The following TENM2 variants were observed in gnomAD, a reference collection of about 807,000 sequenced individuals.
TENM2 encodes the protein teneurin transmembrane protein 2.
A neutral mutation model predicts 245.2 loss-of-function variants in TENM2; 52 were observed. The observed-to-expected ratio is 0.21, with a 90% CI of 0.17 to 0.27. The LOEUF is 0.27. Ranked by LOEUF, TENM2 falls within the 10% of genes least tolerant of loss-of-function variation. The probability of loss-of-function intolerance (pLI) is 1.00; values close to 1 mark genes in which losing one functional copy is unlikely to be tolerated. For synonymous variants in TENM2, 1,363 were observed against 1,438.9 expected, an observed-to-expected ratio of 0.95 and a Z score of 1.19; for missense variants, 3,046 against 3,666.8, an observed-to-expected ratio of 0.83 and a Z score of 4.37.
chr5:167,105,663 C>T, the TENM2 span, among the ~76,000 whole-genome samples: 2 of 151,150 alleles, frequency 1.3e-5, no homozygotes, highest in African/African-American at 2.4e-5. Flanking sequence ...CCGAGGCGGG[C>T]GGATCACGAG....
At chr5:167,016,277 C>CAAAAA in the TENM2 span, among the ~76,000 whole-genome samples, 2 of 82,176 alleles carry the variant, frequency 2.4e-5, no homozygotes, top group Admixed American at 1.5e-4. Flanking sequence ...AACAAACAAA[C>CAAAAA]AAACAAAAAA....
the TENM2 span, chr5:167,119,552 G>C: frequency 1.3e-5 from 2 of 152,310 alleles, no homozygotes; most frequent in South Asian, 4.1e-4. Flanking sequence ...TGCAGGGGAG[G>C]AGTGCTCCAC....
chr5:168,010,770 T>C (rs2152073639), intron 5 of TENM2, among the ~76,000 whole-genome samples: 1 of 152,358 alleles, frequency 6.6e-6, no homozygotes, highest in Non-Finnish European at 1.5e-5. Flanking sequence ...TTAGCAGATC[T>C]TTTATAGTTT....
chr5:167,814,312 G>A (rs961800582), intron 2 of TENM2, among the ~76,000 whole-genome samples: 16 of 152,076 alleles, frequency 1.1e-4, no homozygotes, highest in Admixed American at 4.6e-4. Flanking sequence ...AAAGTAGCAC[G>A]TAGGCTCTTC....
intron 6 of TENM2, among the ~76,000 whole-genome samples, chr5:168,061,299 T>C (rs2152092490): frequency 6.6e-6 from 1 of 152,322 alleles, no homozygotes; most frequent in Non-Finnish European, 1.5e-5. Flanking sequence ...CTAGTCACGC[T>C]CAGCTTTTCC....
chr5:167,091,831 A>C, the TENM2 span, among the ~76,000 whole-genome samples: 1 of 152,212 alleles, frequency 6.6e-6, no homozygotes, highest in Admixed American at 6.5e-5. Flanking sequence ...ATAGACACTG[A>C]ATAGCTGTTG....
At chr5:167,144,058 T>G in the TENM2 span, among the ~76,000 whole-genome samples, 1 of 152,086 alleles carries the variant, frequency 6.6e-6, no homozygotes, top group Non-Finnish European at 1.5e-5. Context: ...ATGAGGGGGT[T>G]TTTTAAACCC....
chr5:167,228,322 A>C, the TENM2 span, among the ~76,000 whole-genome samples: 2 of 151,560 alleles, frequency 1.3e-5, no homozygotes, highest in Middle Eastern at 3.4e-3. Context: ...GAGCCACCAC[A>C]CCTGGCCTGA....
At chr5:167,817,789 C>T (rs1229780418) in intron 2 of TENM2, among the ~76,000 whole-genome samples, 1 of 152,154 alleles carries the variant, frequency 6.6e-6, no homozygotes. Context: ...TACCTTCAGC[C>T]TTGTGGGGGA....
intron 2 of TENM2, among the ~76,000 whole-genome samples, chr5:167,384,920 A>G (rs1240647745): frequency 1.3e-5 from 2 of 152,220 alleles, no homozygotes; most frequent in African/African-American, 2.4e-5. Context: ...TTCAAAAAGC[A>G]TATAATTTTA....
intron 4 of TENM2, among the ~76,000 whole-genome samples, chr5:167,957,956 T>G (rs1222786315): frequency 6.6e-6 from 1 of 152,208 alleles, no homozygotes; most frequent in African/African-American, 2.4e-5. Context: ...TTCTGTTGAT[T>G]TGGGGTGGAG....
At chr5:167,530,773 T>C (rs1479949178) in intron 2 of TENM2, among the ~76,000 whole-genome samples, 1 of 152,196 alleles carries the variant, frequency 6.6e-6, no homozygotes, top group East Asian at 1.9e-4. Context: ...GCGCGGCTTC[T>C]CTTCCAGCAA....
At chr5:167,829,218 C>T (rs1340849547) in intron 2 of TENM2, among the ~76,000 whole-genome samples, 1 of 152,226 alleles carries the variant, frequency 6.6e-6, no homozygotes, top group Non-Finnish European at 1.5e-5. Context: ...AACAAACACA[C>T]ATCGTGTGGA....
intron 5 of TENM2, among the ~76,000 whole-genome samples, chr5:168,031,765 AAGGGAAGGAGGG>A (rs1378991920): frequency 3.0e-5 from 4 of 133,696 alleles, no homozygotes; most frequent in African/African-American, 8.4e-5. Flanking sequence ...GGAAAGGAGG[AAGGGAAGGAGGG>A]AGGGAAGGAG....
At chr5:168,183,923 G>C (rs151141678) in intron 13 of TENM2, among the ~76,000 whole-genome samples, 3 of 151,798 alleles carry the variant, frequency 2.0e-5, no homozygotes, top group Non-Finnish European at 2.9e-5. Context: ...AGGACCTTTC[G>C]TGGATTACCT....
At chr5:167,335,791 G>A (rs1385125421) in intron 1 of TENM2, among the ~76,000 whole-genome samples, 2 of 152,126 alleles carry the variant, frequency 1.3e-5, no homozygotes, top group Non-Finnish European at 2.9e-5. Context: ...CTGGTATAAT[G>A]CTAGTGTTTA....
At chr5:167,258,938 T>G in the TENM2 span, among the ~76,000 whole-genome samples, 1 of 152,108 alleles carries the variant, frequency 6.6e-6, no homozygotes, top group African/African-American at 2.4e-5. Context: ...AACTTAAGGT[T>G]TATGTATGGG....
intron 3 of TENM2, among the ~76,000 whole-genome samples, chr5:167,929,114 AAAGAAAGAAAGAAAGAAAAG>A (rs1561946086): frequency 8.2e-6 from 1 of 122,006 alleles, no homozygotes; most frequent in East Asian, 2.5e-4. Context: ...AGAAAGAAAG[AAAGAAAGAAAGAAAGAAAAG>A]AAAGAAGGGA....
At chr5:168,096,302 C>T (rs540545227) in intron 8 of TENM2, among the ~76,000 whole-genome samples, 10 of 152,266 alleles carry the variant, frequency 6.6e-5, no homozygotes, top group South Asian at 2.1e-4. Flanking sequence ...AAGCACCTAA[C>T]GCTTTTTGAA....
Sources: allele counts gnomAD v4.1 joint callset (sites outside exome capture counted in the v4.1 genomes callset), GRCh38; gene constraint gnomAD v4.1.1; transcripts MANE v1.5; gene names NCBI Gene and HGNC (gene_info 2026-07-23, HGNC 2026-07-21).